The following CDH2 variants were observed in gnomAD, a reference collection of about 807,000 sequenced individuals.
The protein encoded by CDH2 is cadherin-2.
CDH2 carries 17 observed loss-of-function variants against 92.0 expected under a neutral mutation model. The observed-to-expected ratio is 0.18, with a 90% CI of 0.13 to 0.28. The LOEUF (loss-of-function observed/expected upper bound fraction) is 0.28, where lower values mean the gene tolerates loss of function less well. Among genes scored for constraint, CDH2 ranks in the 10% least tolerant of loss-of-function variants. The pLI is 1.00. For missense variants in CDH2, 862 were observed against 1,133.1 expected, an observed-to-expected ratio of 0.76 and a Z score of 3.44; for synonymous variants, 419 against 415.9, an observed-to-expected ratio of 1.01 and a Z score of -0.09.
intron 9 of CDH2, among the ~76,000 whole-genome samples, chr18:27,992,325 C>T (rs2012442103): frequency 6.6e-6 from 1 of 152,164 alleles, no homozygotes; most frequent in African/African-American, 2.4e-5. Flanking sequence ...GTCCTATCCT[C>T]AGATTGGTAA....
intron 2 of CDH2, among the ~76,000 whole-genome samples, chr18:28,095,954 G>A (rs1041103543): frequency 1.3e-5 from 2 of 152,066 alleles, no homozygotes; most frequent in African/African-American, 2.4e-5. Context: ...GTTACAGCAC[G>A]AATTATGGTG....
rs17493360 is a variant in CDH2, at chr18:27,979,437, C to T, written c.2349+3507G>A. Among the ~76,000 whole-genome samples the T allele has an allele frequency of 4.6e-5, 7 of 152,218 alleles. No individual in the cohort carries two copies. The South Asian group carries it at 6.2e-4, about 14-fold the overall frequency. ...TTTGGAAAACGTACAGGACTGTAGTCGAGCTGCACATATGCACACTCTGTG... is the reference window on the plus strand; with the variant it reads ...TTTGGAAAACGTACAGGACTGTAGTTGAGCTGCACATATGCACACTCTGTG... On this transcript the variant is annotated intron_variant, in intron 14 of 15. Transcript: ENST00000269141.
intron 1 of CDH2, among the ~76,000 whole-genome samples, chr18:28,161,781 C>A (rs2016310230): frequency 6.6e-6 from 1 of 152,098 alleles, no homozygotes; most frequent in Admixed American, 6.5e-5. Flanking sequence ...AAACCTCATC[C>A]TCTACTTCCA....
rs575384374 is a variant in CDH2, at chr18:28,167,554, G to T, written c.60+9409C>A. On this transcript the variant is annotated intron_variant, in intron 1 of 15. Coordinates refer to ENST00000269141, the MANE Select transcript of CDH2 (RefSeq NM_001792.5). ...ACAAAAGAGAATATGGTTTCACAAA[G>T]TATAAATGAGCAAAAAAATCATGCT... 4.6e-5 allele frequency among the ~76,000 whole-genome samples: 7 copies of T among 152,132 alleles called. No homozygotes were observed. In the East Asian group the frequency reaches 1.4e-3, roughly 29 times the overall value.
At chr18:28,051,073 C>T (rs918939828) in intron 2 of CDH2, among the ~76,000 whole-genome samples, 1 of 152,100 alleles carries the variant, frequency 6.6e-6, no homozygotes, top group Admixed American at 6.6e-5. Context: ...AATCCATATG[C>T]ATATTGTAAA....
intron 2 of CDH2, among the ~76,000 whole-genome samples, chr18:28,133,461 G>A (rs1305736213): frequency 2.6e-5 from 4 of 151,238 alleles, no homozygotes; most frequent in African/African-American, 7.3e-5. Context: ...GGGTGCCTGC[G>A]GTCCCAGCTA....
chr18:28,045,238 C>G (rs1017602836), intron 2 of CDH2, among the ~76,000 whole-genome samples: 1 of 152,138 alleles, frequency 6.6e-6, no homozygotes, highest in Non-Finnish European at 1.5e-5. Flanking sequence ...CATAGATTCT[C>G]TAAACCTCTT....
intron 9 of CDH2, among the ~76,000 whole-genome samples, chr18:27,991,013 T>C (rs2012398264): frequency 6.6e-6 from 1 of 152,194 alleles, no homozygotes; most frequent in African/African-American, 2.4e-5. Flanking sequence ...GATATTTTAT[T>C]GGTCTGTAAA....
intron 2 of CDH2, among the ~76,000 whole-genome samples, chr18:28,045,972 A>C (rs900508770): frequency 3.3e-5 from 5 of 152,250 alleles, no homozygotes; most frequent in African/African-American, 9.6e-5. Context: ...TACTGAATAC[A>C]GTAACTGTTC....
intron 2 of CDH2, among the ~76,000 whole-genome samples, chr18:28,111,496 G>C (rs17536243): frequency 7.9e-5 from 12 of 152,270 alleles, no homozygotes; most frequent in African/African-American, 2.6e-4. Flanking sequence ...GGAGCAAAAC[G>C]ATAATCTTAG....
intron 6 of CDH2, among the ~76,000 whole-genome samples, chr18:28,005,614 T>C (rs887745738): frequency 6.6e-6 from 1 of 152,180 alleles, no homozygotes; most frequent in Non-Finnish European, 1.5e-5. Flanking sequence ...CTGTAGTGCA[T>C]ATTTTTTCAA....
chr18:27,936,994 G>A (rs1363377358), intron 6 of CDH2, among the ~76,000 whole-genome samples: 1 of 152,152 alleles, frequency 6.6e-6, no homozygotes, highest in Non-Finnish European at 1.5e-5. Flanking sequence ...GAATGTGCTG[G>A]TAAAAAGATG....
intron 15 of CDH2, among the ~76,000 whole-genome samples, chr18:27,956,839 CAA>C (rs1410505999): frequency 6.6e-6 from 1 of 152,052 alleles, no homozygotes; most frequent in African/African-American, 2.4e-5. Flanking sequence ...AAGAAAATAA[CAA>C]GAAGTACACA....
intron 9 of CDH2, among the ~76,000 whole-genome samples, chr18:27,991,185 C>A (rs1474484822): frequency 1.3e-5 from 2 of 152,102 alleles, no homozygotes; most frequent in Admixed American, 6.5e-5. Context: ...CCTTGTTCAC[C>A]TGCGAATGGA....
intron 14 of CDH2, among the ~76,000 whole-genome samples, chr18:27,973,916 A>G (rs1217133501): frequency 6.6e-6 from 1 of 152,170 alleles, no homozygotes; most frequent in African/African-American, 2.4e-5. Context: ...AGGTCCCTGA[A>G]TGACTGTGTA....
At chr18:28,107,346 A>C (rs1220048365) in intron 2 of CDH2, among the ~76,000 whole-genome samples, 1 of 152,082 alleles carries the variant, frequency 6.6e-6, no homozygotes, top group Non-Finnish European at 1.5e-5. Context: ...TGTTGAAAAA[A>C]TTAGTTGGTG....
intron 14 of CDH2, among the ~76,000 whole-genome samples, chr18:27,967,285 C>T (rs1365991308): frequency 6.6e-6 from 1 of 152,116 alleles, no homozygotes; most frequent in African/African-American, 2.4e-5. Flanking sequence ...CTGTTGACGT[C>T]TATCTGTGTT....
chr18:28,134,095 A>G (rs534340822), intron 2 of CDH2, among the ~76,000 whole-genome samples: 5 of 142,610 alleles, frequency 3.5e-5, no homozygotes, highest in African/African-American at 1.3e-4. Context: ...TGAGGCTGCC[A>G]TGAACAATAA....
chr18:27,982,987 T>C lies in CDH2; in HGVS notation c.2306A>G (p.Asn769Ser). 6.2e-7 allele frequency: 1 copy of C among 1,607,968 alleles called. No homozygotes were observed. Among genetic ancestry groups the C allele is most frequent in the African/African-American group, 1.3e-5 (1 of 74,918 alleles). ...ACCTTCTTCATCATATTTTAAAATA[T>C]TATCTCTTACATCATCTTCTGGATC... ...LIDPEDDVRD[N>S]ILKYDEEGGG... The change falls in exon 14 of 16, where the codon AAT becomes AGT. Residue 769 changes from asparagine to serine, a missense_variant. This residue lies in a region of CDH2 where 564 missense variants were observed against 722.2 expected (regional missense o/e 0.78). Coordinates refer to ENST00000269141, the MANE Select transcript of CDH2 (RefSeq NM_001792.5).
Sources: gnomAD v4.1 joint callset for allele counts (sites outside exome capture counted in the v4.1 genomes callset) on GRCh38, gnomAD v4.1.1 for gene constraint, gnomAD v4.1.1 regional missense constraint, MANE v1.5 for transcripts, NCBI Gene and HGNC (gene_info 2026-07-23, HGNC 2026-07-21) for gene names.